Variants in TANC2 observed in about 807,000 individuals in gnomAD.
The protein encoded by TANC2 is tetratricopeptide repeat, ankyrin repeat and coiled-coil containing 2.
Under a neutral mutation model 210.5 loss-of-function variants are expected in TANC2, and 26 were observed. The ratio of observed to expected loss-of-function variants is 0.12; its 90% confidence interval spans 0.09 to 0.17. The LOEUF (loss-of-function observed/expected upper bound fraction) is 0.17. TANC2 is among the 10% of genes least tolerant of loss of function. TANC2 has a pLI of 1.00. For missense variants in TANC2, 2,129 were observed against 2,608.9 expected (o/e 0.82, Z 4.01); for synonymous variants, 931 against 967.1 (o/e 0.96, Z 0.69).
At chr17:63,025,020 G>A (rs370462542) in intron 2 of TANC2, among the ~76,000 whole-genome samples, 16 of 152,176 alleles carry the variant, frequency 1.1e-4, no homozygotes, top group African/African-American at 3.9e-4. Flanking sequence ...GTAAGTTTTT[G>A]CTCTTTGATT....
intron 5 of TANC2, among the ~76,000 whole-genome samples, chr17:63,180,784 G>T (rs2040753121): frequency 6.6e-6 from 1 of 152,076 alleles, no homozygotes; most frequent in Non-Finnish European, 1.5e-5. Flanking sequence ...CAGCATTTGG[G>T]AGGCTGAGGC....
chr17:63,228,530 A>G (rs575481082), intron 7 of TANC2, among the ~76,000 whole-genome samples: 1 of 152,256 alleles, frequency 6.6e-6, no homozygotes, highest in Admixed American at 6.5e-5. Context: ...CAGTATGGCT[A>G]TTTTCACAAT....
chr17:63,094,191 C>T (rs2037304081), intron 3 of TANC2, among the ~76,000 whole-genome samples: 1 of 151,914 alleles, frequency 6.6e-6, no homozygotes, highest in African/African-American at 2.4e-5. Context: ...TTTACATAGG[C>T]AATCATGTTG....
chr17:63,379,597 A>C, intron 14 of TANC2, 121 bp from the exon 15 acceptor site: 1 of 616,082 alleles, frequency 1.6e-6, no homozygotes, highest in South Asian at 2.7e-5. Context: ...TAAACCCAAG[A>C]GGTGGAGGCT....
intron 9 of TANC2, among the ~76,000 whole-genome samples, chr17:63,270,270 A>C (rs1409208305): frequency 6.6e-6 from 1 of 152,170 alleles, no homozygotes; most frequent in Non-Finnish European, 1.5e-5. Context: ...TTAGGATACG[A>C]CTTAAAACAC....
chr17:63,020,703 CTGTT>C (rs1280786341), intron 2 of TANC2, among the ~76,000 whole-genome samples: 2 of 152,140 alleles, frequency 1.3e-5, no homozygotes, highest in African/African-American at 4.8e-5. Flanking sequence ...TCATGTGTGA[CTGTT>C]TGTATTAGTC....
At chr17:63,383,615 A>T (rs76450484) in intron 15 of TANC2, among the ~76,000 whole-genome samples, 2,323 of 152,348 alleles carry the variant, frequency 0.015, 39 homozygotes, top group Admixed American at 0.029. Flanking sequence ...CATCTATTAA[A>T]GGACATCTTG....
chr17:63,267,227 TTCAC>T (rs1295694389), intron 8 of TANC2, among the ~76,000 whole-genome samples: 1 of 152,196 alleles, frequency 6.6e-6, no homozygotes, highest in Non-Finnish European at 1.5e-5. Flanking sequence ...AATTTTTTCT[TTCAC>T]TCAGTTTTTA....
At chr17:63,249,992 A>T (rs1280310014) in intron 8 of TANC2, among the ~76,000 whole-genome samples, 1 of 152,164 alleles carries the variant, frequency 6.6e-6, no homozygotes, top group African/African-American at 2.4e-5. Context: ...GCCCACTTGT[A>T]GTGTATTTAA....
chr17:63,094,242 G>A (rs946835552), intron 3 of TANC2, among the ~76,000 whole-genome samples: 4 of 151,654 alleles, frequency 2.6e-5, no homozygotes, highest in South Asian at 2.1e-4. Flanking sequence ...AACTTCTCGG[G>A]GCCTGTTTCT....
At chr17:63,405,625 TAAC>T (rs1283735368) in intron 20 of TANC2, among the ~76,000 whole-genome samples, 1 of 152,218 alleles carries the variant, frequency 6.6e-6, no homozygotes, top group Non-Finnish European at 1.5e-5. Flanking sequence ...ATGCAAATTC[TAAC>T]AACACAATCC....
intron 3 of TANC2, among the ~76,000 whole-genome samples, chr17:63,075,533 A>G (rs2144669263): frequency 6.7e-6 from 1 of 148,858 alleles, no homozygotes; most frequent in African/African-American, 2.6e-5. Context: ...AAAGAAATAT[A>G]TATATTTTTT....
intron 2 of TANC2, among the ~76,000 whole-genome samples, chr17:63,061,242 C>G (rs1291577042): frequency 1.3e-5 from 2 of 152,074 alleles, no homozygotes; most frequent in East Asian, 3.9e-4. Context: ...TGGCTGGCAC[C>G]TGTAATCCCA....
At chr17:63,374,054 T>TTTTTA (rs2047353397) in intron 14 of TANC2, among the ~76,000 whole-genome samples, 1 of 147,930 alleles carries the variant, frequency 6.8e-6, no homozygotes, top group Admixed American at 6.7e-5. Flanking sequence ...TTTTTTTTTT[T>TTTTTA]GAGTCAGGGC....
intron 7 of TANC2, among the ~76,000 whole-genome samples, chr17:63,206,082 A>G (rs927825304): frequency 8.5e-5 from 13 of 152,248 alleles, no homozygotes; most frequent in Admixed American, 6.5e-4. Flanking sequence ...CAAATGGCCA[A>G]TAGACACATG....
chr17:63,067,542 CCAA>C (rs965494666), intron 2 of TANC2, among the ~76,000 whole-genome samples: 1 of 151,312 alleles, frequency 6.6e-6, no homozygotes, highest in African/African-American at 2.4e-5. Context: ...AAAAAATACT[CCAA>C]CAAGCAATCA....
chr17:62,975,553 T>A (rs563489555), intron 1 of TANC2, among the ~76,000 whole-genome samples: 22 of 151,060 alleles, frequency 1.5e-4, no homozygotes, highest in South Asian at 4.2e-4. Flanking sequence ...CTTTTTTTTT[T>A]AATTTTTTTT....
intron 2 of TANC2, among the ~76,000 whole-genome samples, chr17:63,055,467 C>G (rs897098696): frequency 9.2e-5 from 14 of 151,950 alleles, no homozygotes; most frequent in South Asian, 4.1e-4. Context: ...AGATGGGCAG[C>G]TAGATCTTTT....
chr17:63,144,675 G>A (rs187011735), intron 4 of TANC2, among the ~76,000 whole-genome samples: 24 of 152,168 alleles, frequency 1.6e-4, no homozygotes, highest in Admixed American at 1.4e-3. Context: ...TATAAAACAT[G>A]TACTTCATTT....
Sources: allele counts gnomAD v4.1 joint callset (sites outside exome capture counted in the v4.1 genomes callset), GRCh38; gene constraint gnomAD v4.1.1; transcripts MANE v1.5; gene names NCBI Gene and HGNC (gene_info 2026-07-23, HGNC 2026-07-21).